MYO16: variants seen among roughly 807,000 people sequenced by gnomAD.
MYO16 encodes the protein unconventional myosin-XVI.
Under a neutral mutation model 205.3 loss-of-function variants are expected in MYO16, and 94 were observed. The observed-to-expected ratio is 0.46, with a 90% CI of 0.39 to 0.54. MYO16 has a LOEUF of 0.54. Among genes scored for constraint, MYO16 ranks in the 20% least tolerant of loss-of-function variants. MYO16 has a pLI of 0.00. For synonymous variants in MYO16, 988 were observed against 954.0 expected (o/e 1.04, Z -0.66); for missense variants, 2,315 against 2,387.5 (o/e 0.97, Z 0.63).
intron 1 of MYO16, among the ~76,000 whole-genome samples, chr13:108,598,863 A>G (rs547835802): frequency 6.7e-6 from 1 of 150,030 alleles, no homozygotes; most frequent in East Asian, 2.0e-4. Flanking sequence ...TTTTTTTATT[A>G]TACTTTAAGT....
At chr13:108,853,354 G>A (rs917040271) in intron 10 of MYO16, among the ~76,000 whole-genome samples, 19 of 152,122 alleles carry the variant, frequency 1.2e-4, no homozygotes, top group Non-Finnish European at 2.4e-4. Flanking sequence ...ACTCCTGAAC[G>A]ATTCAAGTAG....
chr13:108,946,482 C>T (rs180946074), intron 16 of MYO16, among the ~76,000 whole-genome samples: 1 of 152,248 alleles, frequency 6.6e-6, no homozygotes, highest in Admixed American at 6.5e-5. Context: ...CTTTGAAATA[C>T]ATATGGAAAC....
At chr13:108,580,558 C>T in the MYO16 span, among the ~76,000 whole-genome samples, 8 of 152,108 alleles carry the variant, frequency 5.3e-5, no homozygotes, top group African/African-American at 1.2e-4. Context: ...GACATATACA[C>T]GTTTGTTCCT....
chr13:108,963,601 G>C (rs1883671859), intron 19 of MYO16, among the ~76,000 whole-genome samples: 1 of 152,076 alleles, frequency 6.6e-6, no homozygotes, highest in East Asian at 1.9e-4. Context: ...TTTCTGAAAT[G>C]CAATAGGCAT....
intron 9 of MYO16, among the ~76,000 whole-genome samples, chr13:108,823,668 G>C (rs767379257): frequency 4.6e-5 from 6 of 131,230 alleles, no homozygotes; most frequent in African/African-American, 7.9e-5. Context: ...ATTTATTGTT[G>C]TGTGTGTTAT....
chr13:108,526,306 A>C, the MYO16 span, among the ~76,000 whole-genome samples: 1 of 152,234 alleles, frequency 6.6e-6, no homozygotes, highest in East Asian at 1.9e-4. Context: ...AAAAATGAAT[A>C]AATACATTTC....
chr13:108,544,083 A>G, the MYO16 span, among the ~76,000 whole-genome samples: 1 of 151,554 alleles, frequency 6.6e-6, no homozygotes, highest in Non-Finnish European at 1.5e-5. Context: ...AAAAAAAAAA[A>G]AAAAAAGAGC....
At chr13:108,527,185 T>A in the MYO16 span, among the ~76,000 whole-genome samples, 2 of 152,154 alleles carry the variant, frequency 1.3e-5, no homozygotes, top group African/African-American at 4.8e-5. Context: ...CAATGAACAA[T>A]CATAAACACA....
At chr13:108,859,209 C>G (rs1566373679) in intron 11 of MYO16, among the ~76,000 whole-genome samples, 1 of 152,120 alleles carries the variant, frequency 6.6e-6, no homozygotes. Context: ...TCTATCATGC[C>G]CATACCCACT....
chr13:108,699,265 C>G (rs1883209521), intron 2 of MYO16, among the ~76,000 whole-genome samples: 1 of 151,744 alleles, frequency 6.6e-6, no homozygotes, highest in African/African-American at 2.4e-5. Flanking sequence ...ATAGCCATTA[C>G]AAATAACATT....
chr13:108,505,186 C>G, the MYO16 span, among the ~76,000 whole-genome samples: 1 of 152,152 alleles, frequency 6.6e-6, no homozygotes, highest in South Asian at 2.1e-4. Flanking sequence ...AAGTAGGATT[C>G]CTGGATCATA....
intron 14 of MYO16, among the ~76,000 whole-genome samples, chr13:108,890,088 C>G (rs1227725235): frequency 1.3e-5 from 2 of 148,290 alleles, no homozygotes; most frequent in African/African-American, 5.0e-5. Flanking sequence ...TGTGTCTCTG[C>G]CTAGCTAATT....
At chr13:109,015,712 T>G (rs1885787857) in intron 22 of MYO16, among the ~76,000 whole-genome samples, 1 of 152,178 alleles carries the variant, frequency 6.6e-6, no homozygotes, top group African/African-American at 2.4e-5. Context: ...GTCCAGGAAT[T>G]TATCCATTTC....
At chr13:109,017,593 G>C (rs537536429) in intron 22 of MYO16, among the ~76,000 whole-genome samples, 70 of 152,254 alleles carry the variant, frequency 4.6e-4, no homozygotes, top group Non-Finnish European at 9.1e-4. Flanking sequence ...TCACTTTCAG[G>C]TACACCAATC....
chr13:108,547,227 G>A, the MYO16 span, among the ~76,000 whole-genome samples: 39 of 150,306 alleles, frequency 2.6e-4, no homozygotes, highest in East Asian at 9.8e-4. Flanking sequence ...AGCTGAGATC[G>A]TGCCACTGCA....
At chr13:108,566,745 GGAAGGAAGGA>G in the MYO16 span, among the ~76,000 whole-genome samples, 42 of 70,756 alleles carry the variant, frequency 5.9e-4, no homozygotes, top group Non-Finnish European at 1.2e-3. Context: ...GAGGAAGGAA[GGAAGGAAGGA>G]AGGAAGGAAG....
At chr13:108,699,663 G>A (rs370228535) in intron 2 of MYO16, among the ~76,000 whole-genome samples, 13 of 152,136 alleles carry the variant, frequency 8.5e-5, no homozygotes, top group East Asian at 5.8e-4. Context: ...GACTGGTTTC[G>A]GTAAGCAGAC....
intron 9 of MYO16, among the ~76,000 whole-genome samples, chr13:108,833,007 C>G (rs1194833866): frequency 6.6e-6 from 1 of 152,012 alleles, no homozygotes; most frequent in Non-Finnish European, 1.5e-5. Context: ...GGGAGCATTC[C>G]TAGCAAAGCT....
chr13:109,144,645 C>T (rs1290256235), intron 32 of MYO16, among the ~76,000 whole-genome samples: 3 of 152,140 alleles, frequency 2.0e-5, no homozygotes, highest in South Asian at 2.1e-4. Flanking sequence ...AGCTTTCTTA[C>T]CAAATAATAC....
Sources: gnomAD v4.1 joint callset for allele counts (sites outside exome capture counted in the v4.1 genomes callset) on GRCh38, gnomAD v4.1.1 for gene constraint, MANE v1.5 for transcripts, NCBI Gene and HGNC (gene_info 2026-07-23, HGNC 2026-07-21) for gene names.